The following ELL2 variants were observed in gnomAD, a reference collection of about 807,000 sequenced individuals.
The protein encoded by ELL2 is elongation factor for RNA polymerase II 2, also known as RNA polymerase II elongation factor ELL2.
In ELL2, 21 loss-of-function variants were observed where a neutral mutation model predicts 72.8. The ratio of observed to expected loss-of-function variants is 0.29; its 90% CI spans 0.20 to 0.42. The LOEUF is 0.42. ELL2 is among the 10% of genes least tolerant of loss of function. The pLI, the probability that ELL2 is intolerant of heterozygous loss-of-function variation, is 1.00. For synonymous variants in ELL2, 266 were observed against 283.2 expected, an observed-to-expected ratio of 0.94 and a Z score of 0.61; for missense variants, 568 against 772.8, an observed-to-expected ratio of 0.73 and a Z score of 3.14.
chr5:95,930,822 T>G (rs531180443), intron 2 of ELL2, among the ~76,000 whole-genome samples: 11 of 152,290 alleles, frequency 7.2e-5, no homozygotes, highest in African/African-American at 2.6e-4. Flanking sequence ...ATATTTGGGG[T>G]ATATCATTTT....
intron 1 of ELL2, 35 bp from the exon 2 acceptor site, chr5:95,943,084 C>T: frequency 6.4e-7 from 1 of 1,565,134 alleles, no homozygotes; most frequent in Non-Finnish European, 8.7e-7. Flanking sequence ...AACAGGTAAA[C>T]CTTGGTTACT....
intron 1 of ELL2, among the ~76,000 whole-genome samples, chr5:95,960,307 A>T (rs1415962674): frequency 6.6e-6 from 1 of 151,044 alleles, no homozygotes; most frequent in Non-Finnish European, 1.5e-5. Context: ...CCCATATGGC[A>T]TATCCCTCCC....
chr5:95,890,786 G>A (rs1056011214), intron 10 of ELL2, among the ~76,000 whole-genome samples: 1 of 152,168 alleles, frequency 6.6e-6, no homozygotes, highest in African/African-American at 2.4e-5. Context: ...AGTCTAAGTT[G>A]GCAGTGTAAT....
rs1349867788 is a variant in ELL2 at position 95,906,617 on chromosome 5, A to C, written c.647T>G (p.Leu216Arg). 5.0e-6 allele frequency: 8 copies of C among 1,613,988 alleles called. No individual in the cohort carries two copies. Among genetic ancestry groups the C allele is most frequent in the Non-Finnish European group, 6.8e-6 (8 of 1,179,972 alleles). Residue 216 changes from leucine (L) to arginine (R), a missense_variant, in exon 5 of 12, where the codon CTG becomes CGG. Around this residue, in one of 2 missense-constraint regions of ELL2, gnomAD observed 511 missense variants for 728.4 expected, o/e 0.70. Coordinates refer to ENST00000237853, the MANE Select transcript of ELL2 (RefSeq NM_012081.6). Reference sequence around the variant, plus strand: ...TAGCTCCGGTTTCTTGTAGGCCTTCAGGGCCAGTAAGTGAATCACCCTGTC... The same window carrying C: ...TAGCTCCGGTTTCTTGTAGGCCTTCCGGGCCAGTAAGTGAATCACCCTGTC... ...YRDRVIHLLA[L>R]KAYKKPELLA... is the part of the protein sequence containing the mutation.
chr5:95,909,058 A>G (rs1250591668), intron 4 of ELL2, among the ~76,000 whole-genome samples: 2 of 152,182 alleles, frequency 1.3e-5, no homozygotes, highest in African/African-American at 4.8e-5. Flanking sequence ...TCTGATCCTT[A>G]TCTCAGGAGG....
Position 95,902,398 on chromosome 5 carries a change from A to G in ELL2, c.742-1318T>C, listed in dbSNP as rs114268497. Among the ~76,000 whole-genome samples the G allele has an allele frequency of 9.8e-3, 1,491 of 152,306 alleles. 21 individuals carry two copies. The highest frequency in any genetic ancestry group is 0.035 in the African/African-American group (1,439 of 41,556). On this transcript the variant is annotated intron_variant, in intron 5 of 11. Transcript: ENST00000237853. ...AGTCAGCCAGTTTATTCCGAAGTGT[A>G]ATCTTTTCTTATCCCTTAACTGCAA...
At chr5:95,915,943 G>A (rs891509509) in intron 3 of ELL2, among the ~76,000 whole-genome samples, 1 of 151,996 alleles carries the variant, frequency 6.6e-6, no homozygotes, top group East Asian at 1.9e-4. Flanking sequence ...GAAATCAGGG[G>A]AGAGAAAATA....
intron 2 of ELL2, among the ~76,000 whole-genome samples, chr5:95,928,967 A>G (rs1181206750): frequency 6.6e-6 from 1 of 152,152 alleles, no homozygotes; most frequent in Non-Finnish European, 1.5e-5. Flanking sequence ...CATGTCCAGC[A>G]GCAATACCGT....
At chr5:95,959,328 G>A (rs759997261) in intron 1 of ELL2, among the ~76,000 whole-genome samples, 2 of 152,038 alleles carry the variant, frequency 1.3e-5, no homozygotes, top group African/African-American at 2.4e-5. Context: ...TCTGCTCCTC[G>A]GGTCTGCTCC....
intron 9 of ELL2, among the ~76,000 whole-genome samples, chr5:95,893,423 C>T (rs776839682): frequency 3.9e-5 from 6 of 152,128 alleles, no homozygotes; most frequent in African/African-American, 7.2e-5. Flanking sequence ...CTTGCTCTGT[C>T]GCCCAGGCTG....
chr5:95,927,982 T>C (rs1216602660), intron 2 of ELL2, among the ~76,000 whole-genome samples: 1 of 151,010 alleles, frequency 6.6e-6, no homozygotes, highest in Non-Finnish European at 1.5e-5. Flanking sequence ...TCAAAGGGAG[T>C]TTTCTTATGA....
At chr5:95,916,159 G>A (rs746643849) in intron 3 of ELL2, among the ~76,000 whole-genome samples, 8 of 151,936 alleles carry the variant, frequency 5.3e-5, no homozygotes, top group Non-Finnish European at 1.2e-4. Context: ...GACAAAACGT[G>A]GTCAGTAGTT....
intron 3 of ELL2, among the ~76,000 whole-genome samples, chr5:95,916,007 G>A (rs1160107331): frequency 6.6e-6 from 1 of 151,782 alleles, no homozygotes; most frequent in African/African-American, 2.4e-5. Context: ...TTGAGAGGAA[G>A]GGGGACACCA....
Position 95,919,554 on chromosome 5 carries a change from A to C in ELL2, c.196-9T>G. 1 of 1,548,658 alleles carries C rather than the reference A, an allele frequency of 6.5e-7. No homozygotes were observed. On this transcript the variant is annotated splice_polypyrimidine_tract_variant and intron_variant, in intron 2 of 11. Coordinates refer to ENST00000237853, the MANE Select transcript of ELL2 (RefSeq NM_012081.6). ...TTGGGAATTTTGACAAGCTAAAATG[A>C]GGGGAAAAGAGAGAAACGCCTCAAA...
chr5:95,955,997 A>G (rs1484527334), intron 1 of ELL2, among the ~76,000 whole-genome samples: 1 of 152,058 alleles, frequency 6.6e-6, no homozygotes, highest in East Asian at 1.9e-4. Flanking sequence ...CCAATTACCT[A>G]ATAAGCCTTA....
chr5:95,929,059 G>A (rs1247855865), intron 2 of ELL2, among the ~76,000 whole-genome samples: 1 of 152,148 alleles, frequency 6.6e-6, no homozygotes, highest in Non-Finnish European at 1.5e-5. Flanking sequence ...GTTCAGCTTA[G>A]GAGTCCTTCC....
chr5:95,944,857 T>C (rs1751095882), intron 1 of ELL2, among the ~76,000 whole-genome samples: 1 of 152,250 alleles, frequency 6.6e-6, no homozygotes, highest in Non-Finnish European at 1.5e-5. Context: ...CAATGAAATT[T>C]GAAATTCTCT....
rs1748473398 is a variant in ELL2, at chr5:95,886,621, G to C, written c.*2250C>G. The C allele has an allele frequency of 6.6e-6, 1 of 151,290 alleles. No homozygotes were observed. Among genetic ancestry groups the C allele is most frequent in the Non-Finnish European group, 1.5e-5 (1 of 67,914 alleles). 9.4% of individuals were successfully genotyped at this position (151,290 alleles called of 1,614,324 possible). ...GAGGAGGTGCCTCAGATCATGCAAA[G>C]GGGAAAAGTGATTTGCACCTGCTGA... is the stretch of plus-strand genomic sequence containing the variant. On this transcript the variant is annotated 3_prime_UTR_variant, in exon 12 of 12. Transcript: ENST00000237853.
intron 2 of ELL2, among the ~76,000 whole-genome samples, chr5:95,921,580 T>G (rs1427930183): frequency 6.6e-6 from 1 of 152,230 alleles, no homozygotes; most frequent in Non-Finnish European, 1.5e-5. Context: ...GCTCAGCGCC[T>G]AGTTGGCATA....
Sources: gnomAD v4.1 joint callset for allele counts (sites outside exome capture counted in the v4.1 genomes callset) on GRCh38, gnomAD v4.1.1 for gene constraint, gnomAD v4.1.1 regional missense constraint, MANE v1.5 for transcripts, NCBI Gene and HGNC (gene_info 2026-07-23, HGNC 2026-07-21) for gene names.